Variants in VIT observed in about 807,000 individuals in gnomAD.
VIT encodes vitrin.
Under a neutral mutation model 78.0 loss-of-function variants are expected in VIT, and 99 were observed. The ratio of observed to expected loss-of-function variants is 1.27; its 90% CI spans 1.08 to 1.50. The LOEUF is 1.50. Ranked by LOEUF, VIT falls within the 40% of genes most tolerant of loss-of-function variation. The probability of loss-of-function intolerance (pLI) is 0.00; values close to 1 mark genes in which losing one functional copy is unlikely to be tolerated. For synonymous variants in VIT, 374 were observed against 334.3 expected (o/e 1.12, Z -1.29); for missense variants, 1,126 against 875.3 (o/e 1.29, Z -3.61).
intron 12 of VIT, among the ~76,000 whole-genome samples, chr2:36,788,589 T>C (rs553296932): frequency 1.3e-5 from 2 of 152,302 alleles, no homozygotes; most frequent in East Asian, 1.9e-4. Flanking sequence ...TGAGTTGAAA[T>C]AAGAAAAGTG....
At chr2:36,727,155 C>T (rs1484656598) in intron 2 of VIT, among the ~76,000 whole-genome samples, 1 of 152,050 alleles carries the variant, frequency 6.6e-6, no homozygotes, top group Non-Finnish European at 1.5e-5. Flanking sequence ...ATACTCAGGT[C>T]ACTTCTCAGA....
intron 13 of VIT, among the ~76,000 whole-genome samples, chr2:36,801,880 T>A (rs1666358354): frequency 6.6e-6 from 1 of 152,180 alleles, no homozygotes; most frequent in African/African-American, 2.4e-5. Flanking sequence ...ACACACACTG[T>A]ACAGTCCCAG....
intron 4 of VIT, among the ~76,000 whole-genome samples, chr2:36,752,210 C>G (rs1455761281): frequency 6.6e-6 from 1 of 152,174 alleles, no homozygotes; most frequent in Non-Finnish European, 1.5e-5. Context: ...TTATCCTAAA[C>G]TAACTCCTAT....
At chr2:36,707,905 AAAATC>A (rs1665536692) in intron 1 of VIT, among the ~76,000 whole-genome samples, 1 of 152,030 alleles carries the variant, frequency 6.6e-6, no homozygotes. Flanking sequence ...GAAGAGAAGA[AAAATC>A]AAGAAAGAAA....
Position 36,808,558 on chromosome 2 carries a change from G to A in VIT, c.1476G>A (p.Arg492=). Residue 492 remains arginine, a synonymous_variant, in exon 15 of 16, where the codon CGG becomes CGA. Transcript: ENST00000379242. The part of the protein sequence containing the change: ...LHKTLQPLVK[R]VCDTDRLACS... ...AGACCCTGCAGCCTCTGGTGAAGCG[G>A]GTCTGCGACACTGACCGCCTGGCCT... is the stretch of plus-strand genomic sequence containing the variant. 1 of 1,614,086 alleles carries A rather than the reference G, an allele frequency of 6.2e-7. No homozygotes were observed. Among genetic ancestry groups the A allele is most frequent in the South Asian group, 1.1e-5 (1 of 91,078 alleles).
At chr2:36,713,388 G>C (rs1365685917) in intron 1 of VIT, among the ~76,000 whole-genome samples, 3 of 152,344 alleles carry the variant, frequency 2.0e-5, no homozygotes, top group South Asian at 4.2e-4. Flanking sequence ...GGAGAATCGT[G>C]AGAAATGAGA....
rs748842648 is a variant in VIT at position 36,808,592 on chromosome 2, A to G, written c.1510A>G (p.Thr504Ala). Residue 504 changes from threonine (T) to alanine (A), a missense_variant, in exon 15 of 16, where the codon ACC becomes GCC. Thr to Ala is a moderately conservative substitution (Grantham distance 58). Transcript: ENST00000379242. ...CACTGACCGCCTGGCCTGCAGCAAGACCTGCTTGAACTCGGCTGACATTGG... is the reference window on the plus strand; with the variant it reads ...CACTGACCGCCTGGCCTGCAGCAAGGCCTGCTTGAACTCGGCTGACATTGG... ...CDTDRLACSK[T>A]CLNSADIGFV... 6.2e-7 allele frequency: 1 copy of G among 1,614,000 alleles called. No homozygotes were observed. The highest frequency in any genetic ancestry group is 1.3e-5 in the African/African-American group (1 of 74,912).
intron 11 of VIT, among the ~76,000 whole-genome samples, chr2:36,784,852 G>A (rs553732188): frequency 2.0e-5 from 3 of 152,158 alleles, no homozygotes; most frequent in Non-Finnish European, 4.4e-5. Flanking sequence ...GAAAGTCATG[G>A]GTCTCAGTCA....
intron 4 of VIT, among the ~76,000 whole-genome samples, chr2:36,750,593 T>A (rs1205128338): frequency 7.9e-5 from 12 of 151,592 alleles, no homozygotes; most frequent in Non-Finnish European, 7.4e-5. Flanking sequence ...GAGGCCAAGA[T>A]GGGCGTATCA....
chr2:36,741,713 G>A (rs978732942), intron 3 of VIT, among the ~76,000 whole-genome samples: 1 of 152,094 alleles, frequency 6.6e-6, no homozygotes, highest in African/African-American at 2.4e-5. Context: ...TTAGCATTGG[G>A]AGAGGTTTTA....
chr2:36,729,486 A>T lies in VIT; in HGVS notation c.113A>T (p.Lys38Met). 1 of 1,608,912 alleles carries T rather than the reference A, an allele frequency of 6.2e-7. No homozygotes were observed. The highest frequency in any genetic ancestry group is 1.3e-5 in the African/African-American group (1 of 74,982). Reference sequence around the variant, plus strand: ...ACGGCAAAGAAGATTAAAAGGCCCAAGTTCAGTAAGTAAAATCACAATTCC... The same window carrying T: ...ACGGCAAAGAAGATTAAAAGGCCCATGTTCAGTAAGTAAAATCACAATTCC... ...KETAKKIKRP[K>M]FTVPQINCDV... Residue 38 changes from lysine (K) to methionine (M), a missense_variant, in exon 3 of 16, where the codon AAG becomes ATG. Lys to Met is a moderately conservative substitution (Grantham distance 95, BLOSUM62 -1). Transcript: ENST00000379242.
rs778986570 is a variant in VIT at position 36,743,146 on chromosome 2, T to C, written c.165T>C (p.Asp55=). 1 of 1,614,098 alleles carries C rather than the reference T, an allele frequency of 6.2e-7. No homozygotes were observed. Among genetic ancestry groups the C allele is most frequent in the Non-Finnish European group, 8.5e-7 (1 of 1,179,978 alleles). Residue 55 remains aspartate (D), a synonymous_variant, in exon 4 of 16, where the codon GAT becomes GAC. Transcript: ENST00000379242. ...NCDVKAGKII[D]PEFIVKCPAG... ...ATGTCAAAGCCGGAAAGATCATCGA[T>C]CCTGAGTTCATTGTGAAATGTCCAG...
intron 4 of VIT, among the ~76,000 whole-genome samples, chr2:36,746,047 G>A (rs1305856392): frequency 6.6e-6 from 1 of 152,048 alleles, no homozygotes; most frequent in African/African-American, 2.4e-5. Context: ...AGCTTTTTCT[G>A]TGTCTATTGA....
At chr2:36,769,717 T>G (rs12616788) in intron 7 of VIT, among the ~76,000 whole-genome samples, 1 of 152,192 alleles carries the variant, frequency 6.6e-6, no homozygotes, top group African/African-American at 2.4e-5. Context: ...AATTCACTCA[T>G]GTAAAGTACA....
intron 1 of VIT, among the ~76,000 whole-genome samples, chr2:36,706,901 G>C (rs559285996): frequency 6.6e-6 from 1 of 152,298 alleles, no homozygotes; most frequent in African/African-American, 2.4e-5. Context: ...GGAGTTGGCA[G>C]GGTAGAAAGT....
chr2:36,787,323 T>C (rs1230392821), intron 12 of VIT, 47 bp downstream of exon 12: 1 of 1,580,266 alleles, frequency 6.3e-7, no homozygotes, highest in African/African-American at 1.4e-5. Context: ...TCATGCCATG[T>C]GCTTAATTTT....
intron 2 of VIT, among the ~76,000 whole-genome samples, chr2:36,719,180 C>T (rs967345456): frequency 2.0e-5 from 3 of 152,290 alleles, no homozygotes; most frequent in African/African-American, 7.2e-5. Context: ...AAAGGAGACT[C>T]CTATACCTCA....
intron 12 of VIT, among the ~76,000 whole-genome samples, chr2:36,791,069 G>A (rs1358912626): frequency 3.9e-5 from 6 of 152,168 alleles, no homozygotes; most frequent in African/African-American, 1.4e-4. Context: ...AATTGCACAC[G>A]TTCTTTGTAA....
At position 36,801,406 on chromosome 2, in the gene VIT, T is replaced by G; in HGVS notation, c.1162+2T>G. ...AGAGAGGAGGACTTTCTAATGTAGGTATGTGATCCGGATTCAAATTATACT... is the reference window on the plus strand; with the variant it reads ...AGAGAGGAGGACTTTCTAATGTAGGGATGTGATCCGGATTCAAATTATACT... On this transcript the variant is annotated splice_donor_variant, in intron 13 of 15. Coordinates refer to ENST00000379242, the MANE Select transcript of VIT (RefSeq NM_053276.4). LOFTEE classifies it high-confidence loss of function. 1.2e-6 allele frequency: 2 copies of G among 1,604,098 alleles called. No homozygotes were observed. The highest frequency in any genetic ancestry group is 2.2e-5 in the South Asian group (2 of 90,822).
Sources: gnomAD v4.1 joint callset for allele counts (sites outside exome capture counted in the v4.1 genomes callset) on GRCh38, gnomAD v4.1.1 for gene constraint, MANE v1.5 for transcripts, NCBI Gene and HGNC (gene_info 2026-07-23, HGNC 2026-07-21) for gene names.